CSMD2: variants seen among roughly 807,000 people sequenced by gnomAD.
CSMD2 encodes CUB and Sushi multiple domains 2, also known as CUB and sushi domain-containing protein 2.
CSMD2 carries 130 observed loss-of-function variants against 398.5 expected under a neutral mutation model. That is an observed-to-expected ratio of 0.33 (90% CI 0.28 to 0.38). CSMD2 has a LOEUF of 0.38. Among genes scored for constraint, CSMD2 ranks in the 10% least tolerant of loss-of-function variants. The probability of loss-of-function intolerance (pLI) is 1.00; values close to 1 mark genes in which losing one functional copy is unlikely to be tolerated. For synonymous variants in CSMD2, 1,828 were observed against 1,908.5 expected (o/e 0.96, Z 1.10); for missense variants, 3,829 against 4,764.9 (o/e 0.80, Z 5.78).
At chr1:34,034,877 A>G (rs1368200746) in intron 2 of CSMD2, among the ~76,000 whole-genome samples, 1 of 152,230 alleles carries the variant, frequency 6.6e-6, no homozygotes, top group Non-Finnish European at 1.5e-5. Flanking sequence ...ATTCGTATTT[A>G]TAACCTAGAA....
intron 5 of CSMD2, chr1:33,864,170 G>T: frequency 1.9e-6 from 3 of 1,573,332 alleles, no homozygotes; most frequent in Non-Finnish European, 2.6e-6. Context: ...ACTGAATCCA[G>T]AAAAAAGGTG....
At chr1:33,955,857 A>G (rs1416303769) in intron 3 of CSMD2, among the ~76,000 whole-genome samples, 2 of 152,206 alleles carry the variant, frequency 1.3e-5, no homozygotes, top group African/African-American at 4.8e-5. Flanking sequence ...TCTCCATTCA[A>G]ACATCCCACT....
At chr1:33,726,210 T>C (rs1173743464) in intron 16 of CSMD2, among the ~76,000 whole-genome samples, 16 of 152,118 alleles carry the variant, frequency 1.1e-4, no homozygotes. Flanking sequence ...TCCAGGAGAA[T>C]GCTCGTCAGA....
intron 13 of CSMD2, among the ~76,000 whole-genome samples, chr1:33,759,324 C>CTTTTTTTTTTTTTTT (rs756784492): frequency 3.2e-4 from 40 of 124,732 alleles, no homozygotes; most frequent in South Asian, 5.2e-4. Flanking sequence ...CTTTTTTTTT[C>CTTTTTTTTTTTTTTT]TTTTTTTTTT....
At chr1:33,560,042 A>T (rs977258227) in intron 53 of CSMD2, among the ~76,000 whole-genome samples, 1 of 152,202 alleles carries the variant, frequency 6.6e-6, no homozygotes, top group Non-Finnish European at 1.5e-5. Flanking sequence ...TGATCTGTGC[A>T]ACTTGGGAGT....
At chr1:33,528,153 C>T (rs980433240) in intron 64 of CSMD2, among the ~76,000 whole-genome samples, 1 of 152,298 alleles carries the variant, frequency 6.6e-6, no homozygotes, top group East Asian at 1.9e-4. Flanking sequence ...CTGGGCCAGA[C>T]AGCCAAGGTT....
intron 12 of CSMD2, among the ~76,000 whole-genome samples, chr1:33,776,874 G>T (rs1652057509): frequency 6.6e-6 from 1 of 152,144 alleles, no homozygotes; most frequent in African/African-American, 2.4e-5. Flanking sequence ...GGAGTGTCAT[G>T]TGAAAAAGCT....
intron 12 of CSMD2, among the ~76,000 whole-genome samples, chr1:33,787,249 G>T (rs1208848561): frequency 1.8e-4 from 28 of 152,202 alleles, no homozygotes; most frequent in Admixed American, 1.8e-3. Context: ...CAGAATGTGA[G>T]AGAATAAATG....
chr1:33,571,761 ACTTG>A, intron 50 of CSMD2, 35 bp from the exon 51 acceptor site: 1 of 1,382,280 alleles, frequency 7.2e-7, no homozygotes, highest in Non-Finnish European at 9.5e-7. Context: ...AGGATTAATT[ACTTG>A]ATTAATTCTG....
chr1:33,978,025 C>A (rs1295229675), intron 3 of CSMD2, among the ~76,000 whole-genome samples: 1 of 152,102 alleles, frequency 6.6e-6, no homozygotes, highest in African/African-American at 2.4e-5. Flanking sequence ...CTCATCTGGG[C>A]CAGCCCTGTC....
chr1:33,774,597 A>G (rs114501355), intron 12 of CSMD2, among the ~76,000 whole-genome samples: 354 of 152,286 alleles, frequency 2.3e-3, no homozygotes, highest in African/African-American at 8.1e-3. Context: ...CAGCATTTCA[A>G]GACAGAGCTG....
rs1422140287 is a variant in CSMD2, at chr1:33,518,864, G to A, written c.*53+601C>T. On this transcript the variant is annotated intron_variant, in intron 70 of 70. Coordinates refer to ENST00000373381, the MANE Select transcript of CSMD2 (RefSeq NM_001281956.2). This position sits in a 1 kb window ranked among gnomAD's most constrained non-coding sequence, Gnocchi z 4.3. ...TATCTCTATATAACATTTACATATAGCTCTACGGAGATGCGTATCTATATA... is the reference window on the plus strand; with the variant it reads ...TATCTCTATATAACATTTACATATAACTCTACGGAGATGCGTATCTATATA... Among the ~76,000 whole-genome samples the A allele has an allele frequency of 6.6e-6, 1 of 151,874 alleles. No individual in the cohort carries two copies. Among genetic ancestry groups the A allele is most frequent in the Non-Finnish European group, 1.5e-5 (1 of 68,008 alleles).
intron 7 of CSMD2, among the ~76,000 whole-genome samples, chr1:33,821,791 G>T (rs1658185086): frequency 6.6e-6 from 1 of 152,184 alleles, no homozygotes; most frequent in Admixed American, 6.5e-5. Flanking sequence ...ACCACAGTGG[G>T]GAGGGATGAA....
intron 2 of CSMD2, among the ~76,000 whole-genome samples, chr1:34,073,074 G>T (rs1244703151): frequency 6.6e-6 from 1 of 152,084 alleles, no homozygotes; most frequent in African/African-American, 2.4e-5. Flanking sequence ...CACAAAACAG[G>T]CCACTTCCCT....
At chr1:33,749,694 T>C (rs901007945) in intron 13 of CSMD2, among the ~76,000 whole-genome samples, 5 of 152,144 alleles carry the variant, frequency 3.3e-5, no homozygotes, top group African/African-American at 1.2e-4. Flanking sequence ...TAGGAGGCTA[T>C]AATAACACTA....
intron 21 of CSMD2, among the ~76,000 whole-genome samples, chr1:33,712,445 A>G (rs114587059): frequency 0.026 from 3,945 of 152,310 alleles, 143 homozygotes; most frequent in African/African-American, 0.086. Context: ...GACTGGGAGC[A>G]GCCCCCGGTG....
chr1:33,728,545 T>C (rs1489026786), intron 15 of CSMD2, among the ~76,000 whole-genome samples: 1 of 152,154 alleles, frequency 6.6e-6, no homozygotes, highest in Non-Finnish European at 1.5e-5. Flanking sequence ...CCCTATTTTA[T>C]AGAGAAGAAA....
At chr1:33,701,601 T>C (rs1645614162) in intron 22 of CSMD2, among the ~76,000 whole-genome samples, 1 of 152,256 alleles carries the variant, frequency 6.6e-6, no homozygotes, top group Non-Finnish European at 1.5e-5. Context: ...GTACTATTTA[T>C]GAAGCAAAGC....
chr1:33,804,696 A>G (rs1211223342), intron 10 of CSMD2: 1 of 717,068 alleles, frequency 1.4e-6, no homozygotes, highest in Non-Finnish European at 2.6e-6. Context: ...GCTGAAGGAG[A>G]TGTCTGAAGG....
Sources: allele counts gnomAD v4.1 joint callset (sites outside exome capture counted in the v4.1 genomes callset), GRCh38; gene constraint gnomAD v4.1.1; non-coding constraint Gnocchi (gnomAD v3.1); transcripts MANE v1.5; gene names NCBI Gene and HGNC (gene_info 2026-07-23, HGNC 2026-07-21).